THSD4: variants seen among roughly 807,000 people sequenced by gnomAD.
The protein encoded by THSD4 is thrombospondin type-1 domain-containing protein 4.
A neutral mutation model predicts 119.0 loss-of-function variants in THSD4; 69 were observed. That is an observed-to-expected ratio of 0.58 (90% CI 0.48 to 0.71). The LOEUF is 0.71. THSD4 is among the 30% of genes least tolerant of loss of function. The pLI is 0.00. For missense variants in THSD4, 1,393 were observed against 1,391.1 expected (o/e 1.00, Z -0.02); for synonymous variants, 524 against 540.4 (o/e 0.97, Z 0.42).
intron 6 of THSD4, among the ~76,000 whole-genome samples, chr15:71,261,476 G>T (rs1278226926): frequency 6.6e-6 from 1 of 152,164 alleles, no homozygotes; most frequent in African/African-American, 2.4e-5. Context: ...CAGTTTGTGT[G>T]ATATATTACA....
chr15:71,375,554 A>G (rs2046123941), intron 6 of THSD4, among the ~76,000 whole-genome samples: 1 of 152,178 alleles, frequency 6.6e-6, no homozygotes, highest in Non-Finnish European at 1.5e-5. Flanking sequence ...TCCTGGCACA[A>G]TACATGTTTG....
rs1344480440 is a variant in THSD4 at position 71,472,681 on chromosome 15, G to A, written c.1152+60858G>A. Among the ~76,000 whole-genome samples, 8 of 152,270 alleles carry A rather than the reference G, an allele frequency of 5.3e-5. No individual in the cohort carries two copies. The South Asian group carries it at 8.3e-4, about 16-fold the overall frequency. On this transcript the variant is annotated intron_variant, in intron 7 of 17. Transcript: ENST00000261862. ...CCAGAAACATCCCCTCTCCTGATGC[G>A]TCTTGGAAGTCCTGCTCGCTGACCT...
chr15:71,097,848 G>A (rs1035767488), intron 1 of THSD4, among the ~76,000 whole-genome samples: 4 of 151,612 alleles, frequency 2.6e-5, no homozygotes, highest in Admixed American at 6.6e-5. Context: ...ACTGTCGTGT[G>A]TTTTAATGAA....
At chr15:71,099,792 C>A (rs182029819) in intron 1 of THSD4, among the ~76,000 whole-genome samples, 150 of 152,112 alleles carry the variant, frequency 9.9e-4, no homozygotes, top group Non-Finnish European at 1.9e-3. Context: ...TGGTGAAACC[C>A]CTTCCCTACA....
intron 7 of THSD4, among the ~76,000 whole-genome samples, chr15:71,617,354 C>A (rs1033313431): frequency 6.6e-6 from 1 of 151,998 alleles, no homozygotes; most frequent in South Asian, 2.1e-4. Context: ...TAATTAATAT[C>A]ATCATTTGAT....
At chr15:71,306,229 G>A (rs546114197) in intron 6 of THSD4, among the ~76,000 whole-genome samples, 4 of 138,288 alleles carry the variant, frequency 2.9e-5, no homozygotes, top group Non-Finnish European at 4.6e-5. Context: ...TCACTTGAAC[G>A]TGGGAGGCAG....
chr15:71,274,113 C>G (rs2044563459), intron 6 of THSD4, among the ~76,000 whole-genome samples: 4 of 152,038 alleles, frequency 2.6e-5, no homozygotes, highest in Non-Finnish European at 5.9e-5. Context: ...GACAGTCTCG[C>G]CAAGACTACA....
At chr15:71,607,481 T>C (rs566746965) in intron 7 of THSD4, among the ~76,000 whole-genome samples, 2 of 152,354 alleles carry the variant, frequency 1.3e-5, no homozygotes, top group Non-Finnish European at 2.9e-5. Context: ...AAAGGTATGT[T>C]GTCCACACTT....
chr15:71,678,899 C>T (rs1262739394), intron 8 of THSD4, among the ~76,000 whole-genome samples: 2 of 152,152 alleles, frequency 1.3e-5, no homozygotes, highest in Non-Finnish European at 2.9e-5. Context: ...CTTATAGTCA[C>T]GCCTATATTT....
chr15:71,375,164 G>A (rs1401271814), intron 6 of THSD4, among the ~76,000 whole-genome samples: 1 of 152,196 alleles, frequency 6.6e-6, no homozygotes. Flanking sequence ...CGAGCACCAC[G>A]AGGATTGTGT....
At chr15:71,389,841 G>A (rs1312478272) in intron 6 of THSD4, among the ~76,000 whole-genome samples, 104 of 46,258 alleles carry the variant, frequency 2.2e-3, no homozygotes, top group African/African-American at 5.5e-3. Context: ...ACAGAGTCTC[G>A]CTCTGTCACT....
intron 7 of THSD4, among the ~76,000 whole-genome samples, chr15:71,479,013 C>T (rs962107555): frequency 6.6e-6 from 1 of 152,002 alleles, no homozygotes; most frequent in African/African-American, 2.4e-5. Context: ...CACCAGAGAG[C>T]TGTGGGCCCC....
At chr15:71,224,351 A>G (rs1331824272) in intron 4 of THSD4, among the ~76,000 whole-genome samples, 4 of 152,200 alleles carry the variant, frequency 2.6e-5, no homozygotes, top group Non-Finnish European at 5.9e-5. Context: ...CAGTCCCTAT[A>G]AACATGGATG....
intron 8 of THSD4, among the ~76,000 whole-genome samples, chr15:71,708,812 A>C (rs191293897): frequency 2.0e-5 from 3 of 152,332 alleles, no homozygotes. Context: ...GTCAGCACTT[A>C]AAGTGAGGGG....
At chr15:71,153,835 G>C (rs1174353130) in intron 2 of THSD4, among the ~76,000 whole-genome samples, 1 of 152,182 alleles carries the variant, frequency 6.6e-6, no homozygotes, top group East Asian at 1.9e-4. Context: ...TTATTGCAGG[G>C]ATGCTTAAAA....
chr15:71,452,468 G>C (rs1307612617), intron 7 of THSD4, among the ~76,000 whole-genome samples: 1 of 145,542 alleles, frequency 6.9e-6, no homozygotes, highest in Non-Finnish European at 1.5e-5. Flanking sequence ...TCCTCCCTCA[G>C]CTCTCAAAGG....
chr15:71,114,970 A>T (rs2040343029), upstream of THSD4: 1 of 152,266 alleles, frequency 6.6e-6, no homozygotes, highest in East Asian at 1.9e-4. Flanking sequence ...CTGCCCTTAG[A>T]GTCACCGCCC....
intron 4 of THSD4, among the ~76,000 whole-genome samples, chr15:71,241,233 C>T (rs1311629105): frequency 2.0e-5 from 3 of 152,320 alleles, no homozygotes; most frequent in East Asian, 1.9e-4. Flanking sequence ...AGAGTTGGAG[C>T]GACCTTGGCG....
chr15:71,434,694 C>G (rs1004438675), intron 7 of THSD4, among the ~76,000 whole-genome samples: 2 of 151,892 alleles, frequency 1.3e-5, no homozygotes, highest in African/African-American at 4.8e-5. Flanking sequence ...GAACAATATC[C>G]AAAAGAGAAC....
Sources: allele counts gnomAD v4.1 joint callset (sites outside exome capture counted in the v4.1 genomes callset), GRCh38; gene constraint gnomAD v4.1.1; transcripts MANE v1.5; gene names NCBI Gene and HGNC (gene_info 2026-07-23, HGNC 2026-07-21).